ATP8A2: variants seen among roughly 807,000 people sequenced by gnomAD.
ATP8A2 encodes the protein phospholipid-transporting ATPase IB.
Under a neutral mutation model 165.6 loss-of-function variants are expected in ATP8A2, and 100 were observed. That is an observed-to-expected ratio of 0.60 (90% CI 0.51 to 0.71). The LOEUF (loss-of-function observed/expected upper bound fraction) is 0.71. Ranked by LOEUF, ATP8A2 falls within the 30% of genes least tolerant of loss-of-function variation. The pLI is 0.00. For missense variants in ATP8A2, 1,227 were observed against 1,479.5 expected, an observed-to-expected ratio of 0.83 and a Z score of 2.80; for synonymous variants, 543 against 548.8, an observed-to-expected ratio of 0.99 and a Z score of 0.15.
chr13:25,988,450 G>A (rs1179528747), intron 35 of ATP8A2, among the ~76,000 whole-genome samples: 1 of 152,208 alleles, frequency 6.6e-6, no homozygotes, highest in Non-Finnish European at 1.5e-5. Context: ...CAGTTAAAAT[G>A]CATGCACTGG....
At chr13:25,434,025 A>C (rs756701334) in intron 1 of ATP8A2, among the ~76,000 whole-genome samples, 1 of 152,212 alleles carries the variant, frequency 6.6e-6, no homozygotes, top group Non-Finnish European at 1.5e-5. Flanking sequence ...AATGTTTACT[A>C]TTTGGGTAAT....
chr13:25,946,142 C>G (rs543968694), intron 33 of ATP8A2, among the ~76,000 whole-genome samples: 12 of 152,062 alleles, frequency 7.9e-5, no homozygotes, highest in Admixed American at 7.9e-4. Context: ...GGCTCAGAGG[C>G]ACAGTTCCAT....
At chr13:25,382,791 T>C (rs7994875) in intron 1 of ATP8A2, among the ~76,000 whole-genome samples, 38,321 of 151,014 alleles carry the variant, frequency 0.25, 5,054 homozygotes, top group South Asian at 0.31. Context: ...AGTCTCGCTG[T>C]GTCGCCCAGG....
At chr13:25,562,970 G>A (rs2039203792) in intron 15 of ATP8A2, among the ~76,000 whole-genome samples, 1 of 152,194 alleles carries the variant, frequency 6.6e-6, no homozygotes, top group Admixed American at 6.5e-5. Context: ...CCAGCACACT[G>A]TTGAGGGCAT....
At chr13:25,629,535 T>C (rs1309875245) in intron 24 of ATP8A2, among the ~76,000 whole-genome samples, 1 of 152,218 alleles carries the variant, frequency 6.6e-6, no homozygotes, top group Non-Finnish European at 1.5e-5. Context: ...TAAATATCTT[T>C]ATTTTATTTG....
intron 24 of ATP8A2, among the ~76,000 whole-genome samples, chr13:25,682,811 C>G (rs929031472): frequency 3.3e-5 from 5 of 152,208 alleles, no homozygotes; most frequent in Non-Finnish European, 7.3e-5. Context: ...ACTTTTAGGA[C>G]TATGAAGTAG....
At position 26,025,772 on chromosome 13, in the gene ATP8A2, T is replaced by G. The variant is rs1322636946; in HGVS notation, c.*5787T>G. 1 of 152,276 alleles carries G rather than the reference T, an allele frequency of 6.6e-6. No individual in the cohort carries two copies. Among genetic ancestry groups the G allele is most frequent in the Admixed American group, 6.5e-5 (1 of 15,286 alleles). The allele number at this position is 152,276 out of a possible 1,614,324, so 9.4% of individuals were successfully genotyped here. A position where few individuals can be genotyped will look rare whatever the true frequency, so the allele number is the denominator to read the frequency against. On this transcript the variant is annotated 3_prime_UTR_variant, in exon 37 of 37. Transcript: ENST00000381655. ...TTTTAGAAGTTTTGGGAGAATTTAG[T>G]GATTTGTGGCTTTGATCAATCCTGT...
intron 4 of ATP8A2, among the ~76,000 whole-genome samples, chr13:25,531,981 C>A (rs1334412855): frequency 6.6e-6 from 1 of 152,180 alleles, no homozygotes; most frequent in African/African-American, 2.4e-5. Context: ...CTGTTTGTTG[C>A]TGGGTTTATC....
At chr13:25,574,950 T>A (rs2039575197) in intron 19 of ATP8A2, 93 bp downstream of exon 19, 1 of 656,180 alleles carries the variant, frequency 1.5e-6, no homozygotes, top group Admixed American at 3.0e-5. Flanking sequence ...TATGATTCAA[T>A]ATATTACTTA....
intron 15 of ATP8A2, among the ~76,000 whole-genome samples, chr13:25,563,308 C>T (rs2138132805): frequency 1.3e-5 from 2 of 152,096 alleles, no homozygotes; most frequent in Middle Eastern, 6.8e-3. Context: ...ACTTGGGAGG[C>T]TGAGGCAGGA....
intron 10 of ATP8A2, among the ~76,000 whole-genome samples, chr13:25,546,253 T>C (rs950756022): frequency 2.0e-5 from 3 of 152,198 alleles, no homozygotes; most frequent in Non-Finnish European, 2.9e-5. Flanking sequence ...CACTTTTCCT[T>C]GTCCCTAGGT....
At chr13:25,542,112 AAT>A in intron 9 of ATP8A2, 66 bp downstream of exon 9, 1 of 1,467,628 alleles carries the variant, frequency 6.8e-7, no homozygotes, top group African/African-American at 1.4e-5. Context: ...AGCTTTGGAA[AAT>A]ATGTTTGTTT....
intron 2 of ATP8A2, among the ~76,000 whole-genome samples, chr13:25,520,424 G>A (rs1464321914): frequency 6.6e-6 from 1 of 152,048 alleles, no homozygotes; most frequent in Non-Finnish European, 1.5e-5. Context: ...TTCATTCACT[G>A]ATGGCCACTT....
At chr13:25,395,090 T>C (rs2033376043) in intron 1 of ATP8A2, among the ~76,000 whole-genome samples, 1 of 152,238 alleles carries the variant, frequency 6.6e-6, no homozygotes, top group South Asian at 2.1e-4. Context: ...TTCCTAAAAC[T>C]ATGATGTCAA....
intron 1 of ATP8A2, among the ~76,000 whole-genome samples, chr13:25,446,771 T>A (rs2035080337): frequency 6.6e-6 from 1 of 152,184 alleles, no homozygotes; most frequent in Non-Finnish European, 1.5e-5. Flanking sequence ...AAAAGAATAA[T>A]AAAAATTTCC....
At chr13:25,623,809 A>G (rs1297936365) in intron 24 of ATP8A2, among the ~76,000 whole-genome samples, 3 of 152,162 alleles carry the variant, frequency 2.0e-5, no homozygotes, top group Non-Finnish European at 2.9e-5. Flanking sequence ...GCATATCTAG[A>G]TGAGCATAAA....
intron 33 of ATP8A2, among the ~76,000 whole-genome samples, chr13:25,876,169 C>A (rs1043575028): frequency 1.3e-5 from 2 of 152,136 alleles, no homozygotes; most frequent in Middle Eastern, 3.2e-3. Context: ...CATTGTTCCT[C>A]AGCAGATCAG....
At chr13:25,598,363 A>G (rs2040293162) in intron 24 of ATP8A2, among the ~76,000 whole-genome samples, 1 of 152,150 alleles carries the variant, frequency 6.6e-6, no homozygotes, top group African/African-American at 2.4e-5. Flanking sequence ...ACATTTTAGA[A>G]TCAGGCTGTA....
At chr13:25,976,788 GTTTGT>G (rs1956052115) in intron 35 of ATP8A2, among the ~76,000 whole-genome samples, 1 of 151,776 alleles carries the variant, frequency 6.6e-6, no homozygotes, top group African/African-American at 2.4e-5. Flanking sequence ...CATTTTGTTT[GTTTGT>G]TTGTTTGTTT....
Sources: allele counts gnomAD v4.1 joint callset (sites outside exome capture counted in the v4.1 genomes callset), GRCh38; gene constraint gnomAD v4.1.1; transcripts MANE v1.5; gene names NCBI Gene and HGNC (gene_info 2026-07-23, HGNC 2026-07-21).